Variants in SGCD observed in about 807,000 individuals in gnomAD.
SGCD encodes the protein delta-sarcoglycan.
In SGCD, 18 loss-of-function variants were observed where a neutral mutation model predicts 36.6. The observed-to-expected ratio is 0.49, with a 90% confidence interval of 0.34 to 0.73. SGCD has a LOEUF of 0.73. Ranked by LOEUF, SGCD falls within the 30% of genes least tolerant of loss-of-function variation. The pLI is 0.01. For missense variants in SGCD, 387 were observed against 346.7 expected (o/e 1.12, Z -0.92); for synonymous variants, 133 against 130.6 (o/e 1.02, Z -0.12).
At chr5:156,047,715 T>C (rs1759807658) in intron 1 of SGCD, among the ~76,000 whole-genome samples, 1 of 152,176 alleles carries the variant, frequency 6.6e-6, no homozygotes. Context: ...AGAGCTCTAA[T>C]GGAAATTTAC....
intron 1 of SGCD, among the ~76,000 whole-genome samples, chr5:156,087,409 C>T (rs1244239354): frequency 8.6e-5 from 13 of 151,970 alleles, no homozygotes; most frequent in Admixed American, 3.9e-4. Context: ...GAGGCTGAGG[C>T]GGGTGGATCA....
intron 7 of SGCD, among the ~76,000 whole-genome samples, chr5:156,716,528 C>T (rs540057045): frequency 5.3e-5 from 8 of 152,286 alleles, no homozygotes; most frequent in South Asian, 4.1e-4. Flanking sequence ...GAAAAATGTG[C>T]GTAATACCAC....
intron 1 of SGCD, among the ~76,000 whole-genome samples, chr5:155,924,161 A>G (rs1756947437): frequency 6.6e-6 from 1 of 152,224 alleles, no homozygotes; most frequent in African/African-American, 2.4e-5. Context: ...GAAAGAAAAC[A>G]TAGTTGAAAG....
chr5:156,624,542 C>G (rs1196078059), intron 6 of SGCD, among the ~76,000 whole-genome samples: 1 of 152,136 alleles, frequency 6.6e-6, no homozygotes, highest in Non-Finnish European at 1.5e-5. Context: ...GATTGCGCCA[C>G]TGCACTCCAG....
At chr5:156,635,236 A>T (rs1004456023) in intron 6 of SGCD, among the ~76,000 whole-genome samples, 4 of 152,128 alleles carry the variant, frequency 2.6e-5, no homozygotes, top group Non-Finnish European at 4.4e-5. Context: ...AAGTTTTTTT[A>T]AAAATGGGGC....
Position 156,308,699 on chromosome 5 carries a change from C to T in SGCD, c.-43-20835C>T, listed in dbSNP as rs149601796. ...ACACCCATGATCCCATCACCTCCCA[C>T]CAGGTCCCTCACCTGACATGGGGGG... On this transcript the variant is annotated intron_variant, in intron 3 of 9. Transcript: ENST00000517913. Among the ~76,000 whole-genome samples, 5 of 152,282 alleles carry T rather than the reference C, an allele frequency of 3.3e-5. No homozygotes were observed. The East Asian group carries it at 9.6e-4, about 29-fold the overall frequency.
At chr5:156,343,050 G>A (rs1038527766) in intron 2 of SGCD, among the ~76,000 whole-genome samples, 3 of 152,062 alleles carry the variant, frequency 2.0e-5, no homozygotes, top group African/African-American at 7.2e-5. Flanking sequence ...ATGCCTAACG[G>A]CCATGAGTTC....
chr5:156,094,455 A>G lies in SGCD; in HGVS notation c.-281-23423A>G, dbSNP rs988865444. On this transcript the variant is annotated intron_variant, in intron 1 of 9. Coordinates refer to the SGCD transcript ENST00000517913. The stretch of plus-strand genomic sequence containing the variant: ...TCCCAACTGGGATCCCGATTATGCA[A>G]TAACATGAAAGCCTGGCATTATGGT... 4.6e-5 allele frequency among the ~76,000 whole-genome samples: 7 copies of G among 152,332 alleles called. No homozygotes were observed. In the South Asian group the frequency reaches 6.2e-4, roughly 14 times the overall value.
intron 3 of SGCD, among the ~76,000 whole-genome samples, chr5:156,498,247 G>A (rs1291959288): frequency 4.7e-5 from 6 of 126,548 alleles, no homozygotes; most frequent in African/African-American, 9.3e-5. Flanking sequence ...TTCTGTGAAC[G>A]TCATATTTCT....
At chr5:156,729,347 C>T (rs1267391041) in intron 7 of SGCD, among the ~76,000 whole-genome samples, 1 of 152,170 alleles carries the variant, frequency 6.6e-6, no homozygotes, top group Non-Finnish European at 1.5e-5. Context: ...TTAGTTTACT[C>T]TCTATCTCTC....
At chr5:155,787,633 T>C in the SGCD span, among the ~76,000 whole-genome samples, 1 of 152,178 alleles carries the variant, frequency 6.6e-6, no homozygotes, top group East Asian at 1.9e-4. Context: ...TTTCCTTATT[T>C]TCTTGGCTCA....
At chr5:156,189,218 G>A (rs548394040) in intron 3 of SGCD, among the ~76,000 whole-genome samples, 2 of 152,298 alleles carry the variant, frequency 1.3e-5, no homozygotes, top group East Asian at 3.9e-4. Flanking sequence ...GCTATGAAGA[G>A]TACGTGCTAG....
chr5:155,990,739 C>T (rs2127564630), intron 1 of SGCD, among the ~76,000 whole-genome samples: 1 of 152,254 alleles, frequency 6.6e-6, no homozygotes, highest in South Asian at 2.1e-4. Context: ...CCATGCATCA[C>T]ATTATTTAAT....
At chr5:155,919,534 A>G (rs1756827495) in intron 1 of SGCD, among the ~76,000 whole-genome samples, 1 of 152,158 alleles carries the variant, frequency 6.6e-6, no homozygotes, top group Non-Finnish European at 1.5e-5. Flanking sequence ...AAAAACTGGT[A>G]TTATAAGCCC....
chr5:156,487,934 A>G (rs1755764828), intron 3 of SGCD, among the ~76,000 whole-genome samples: 1 of 141,280 alleles, frequency 7.1e-6, no homozygotes, highest in Admixed American at 7.3e-5. Flanking sequence ...AAAAATTCAT[A>G]ATCTCAATAA....
chr5:156,606,151 T>A (rs1761439997), intron 6 of SGCD, among the ~76,000 whole-genome samples: 1 of 152,140 alleles, frequency 6.6e-6, no homozygotes. Flanking sequence ...ATTGCCTAGG[T>A]TTTCTTCTAG....
At chr5:156,023,840 T>G (rs1759163557) in intron 1 of SGCD, among the ~76,000 whole-genome samples, 1 of 110,192 alleles carries the variant, frequency 9.1e-6, no homozygotes, top group Non-Finnish European at 2.0e-5. Flanking sequence ...TGCCTCTTAT[T>G]TGGTCTCAAC....
At chr5:156,668,201 C>T (rs1454388654) in intron 7 of SGCD, among the ~76,000 whole-genome samples, 1 of 152,216 alleles carries the variant, frequency 6.6e-6, no homozygotes, top group Non-Finnish European at 1.5e-5. Flanking sequence ...ATATGATCCT[C>T]TTGATTTTAA....
At chr5:156,021,591 G>A (rs745784906) in intron 1 of SGCD, among the ~76,000 whole-genome samples, 2 of 152,194 alleles carry the variant, frequency 1.3e-5, no homozygotes, top group Non-Finnish European at 2.9e-5. Flanking sequence ...CTGCAAGGAT[G>A]ATACTGGAGA....
Sources: allele counts gnomAD v4.1 joint callset (sites outside exome capture counted in the v4.1 genomes callset), GRCh38; gene constraint gnomAD v4.1.1; transcripts MANE v1.5; gene names NCBI Gene and HGNC (gene_info 2026-07-23, HGNC 2026-07-21).